Variants in THSD7A observed in about 807,000 individuals in gnomAD.
THSD7A encodes thrombospondin type-1 domain-containing protein 7A.
A neutral mutation model predicts 231.3 loss-of-function variants in THSD7A; 96 were observed. The ratio of observed to expected loss-of-function variants is 0.41; its 90% CI spans 0.35 to 0.49. The LOEUF is 0.49. THSD7A is among the 20% of genes least tolerant of loss of function. The pLI is 0.05. For missense variants in THSD7A, 2,290 were observed against 2,070.2 expected (o/e 1.11, Z -2.06); for synonymous variants, 940 against 743.3 (o/e 1.26, Z -4.30).
rs1390265150 is a variant in THSD7A, at chr7:11,831,671, G to GC, written c.190+85dup. On this transcript the variant is annotated intron_variant, in intron 1 of 27. Transcript: ENST00000423059. The surrounding 1 kb of genome is among the most constrained non-coding windows in gnomAD (Gnocchi z 5.0). ...ACCAGCATAACCAAGCCATCCAAAA[G>GC]CACCGGGGTCCCTACAGAAGCCCAC... is the stretch of plus-strand genomic sequence containing the variant. The GC allele has an allele frequency of 9.6e-7, 1 of 1,037,738 alleles. No individual in the cohort carries two copies. The highest frequency in any genetic ancestry group is 1.3e-6 in the Non-Finnish European group (1 of 798,214). 64.3% of individuals were successfully genotyped at this position (1,037,738 alleles called of 1,614,324 possible).
chr7:11,745,219 C>G (rs963471347), intron 1 of THSD7A, among the ~76,000 whole-genome samples: 1 of 151,956 alleles, frequency 6.6e-6, no homozygotes, highest in Admixed American at 6.6e-5. Flanking sequence ...TTTCATGTGT[C>G]TTTTGGCTGC....
intron 1 of THSD7A, among the ~76,000 whole-genome samples, chr7:11,648,346 T>C (rs1395345139): frequency 6.6e-6 from 1 of 151,954 alleles, no homozygotes; most frequent in East Asian, 1.9e-4. Flanking sequence ...TATTAAGAAA[T>C]CCCTTATGAG....
intron 1 of THSD7A, among the ~76,000 whole-genome samples, chr7:11,766,450 C>G (rs773095383): frequency 2.7e-5 from 4 of 148,218 alleles, no homozygotes; most frequent in Non-Finnish European, 5.9e-5. Flanking sequence ...ACGACAAACT[C>G]ACAGGGTATT....
At chr7:11,434,929 G>A (rs1441647891) in intron 13 of THSD7A, among the ~76,000 whole-genome samples, 1 of 151,890 alleles carries the variant, frequency 6.6e-6, no homozygotes, top group Non-Finnish European at 1.5e-5. Flanking sequence ...TGGATGAAAA[G>A]TTATAAATCA....
intron 13 of THSD7A, among the ~76,000 whole-genome samples, chr7:11,429,773 T>C (rs1175112885): frequency 6.6e-6 from 1 of 152,160 alleles, no homozygotes; most frequent in African/African-American, 2.4e-5. Flanking sequence ...AACAGGCAGG[T>C]AAGAAAACAA....
intron 2 of THSD7A, among the ~76,000 whole-genome samples, chr7:11,624,596 A>T (rs1433064351): frequency 6.6e-6 from 1 of 152,080 alleles, no homozygotes; most frequent in African/African-American, 2.4e-5. Context: ...CTACTGCCTT[A>T]TCAAATTACC....
At chr7:11,722,733 T>C (rs1388387555) in intron 1 of THSD7A, among the ~76,000 whole-genome samples, 1 of 151,900 alleles carries the variant, frequency 6.6e-6, no homozygotes, top group East Asian at 2.0e-4. Context: ...AAAATGCTCA[T>C]CATCACTGGC....
At chr7:11,744,822 T>C (rs1009973225) in intron 1 of THSD7A, among the ~76,000 whole-genome samples, 1 of 152,148 alleles carries the variant, frequency 6.6e-6, no homozygotes, top group African/African-American at 2.4e-5. Context: ...GTGCCACATT[T>C]TCTTAATCCA....
chr7:11,729,079 T>C (rs1781638751), intron 1 of THSD7A, among the ~76,000 whole-genome samples: 1 of 151,890 alleles, frequency 6.6e-6, no homozygotes, highest in East Asian at 1.9e-4. Flanking sequence ...GACAACACTA[T>C]CATAAAAACT....
chr7:11,672,237 AT>A (rs1328886234), intron 1 of THSD7A, among the ~76,000 whole-genome samples: 1 of 151,748 alleles, frequency 6.6e-6, no homozygotes, highest in African/African-American at 2.4e-5. Context: ...TCCTTATAAG[AT>A]TTTTTGTTGT....
chr7:11,432,799 C>T (rs185111184), intron 13 of THSD7A, among the ~76,000 whole-genome samples: 96 of 151,928 alleles, frequency 6.3e-4, no homozygotes, highest in African/African-American at 2.1e-3. Flanking sequence ...TTTTGATGGA[C>T]ATATGTATGT....
chr7:11,712,076 G>T (rs1562495338), intron 1 of THSD7A, among the ~76,000 whole-genome samples: 1 of 151,002 alleles, frequency 6.6e-6, no homozygotes, highest in African/African-American at 2.4e-5. Context: ...TCAGGAAAGA[G>T]ACTATGCAAA....
At chr7:11,499,978 A>G (rs1321615580) in intron 6 of THSD7A, among the ~76,000 whole-genome samples, 1 of 152,194 alleles carries the variant, frequency 6.6e-6, no homozygotes, top group Non-Finnish European at 1.5e-5. Context: ...AACTCCTGCA[A>G]GATTCTTCAC....
At chr7:11,675,280 C>T (rs923791359) in intron 1 of THSD7A, among the ~76,000 whole-genome samples, 6 of 152,126 alleles carry the variant, frequency 3.9e-5, no homozygotes, top group South Asian at 2.1e-4. Flanking sequence ...CACAGACCAG[C>T]GGTTTCCCTT....
chr7:11,786,309 C>T (rs1327699928), intron 1 of THSD7A, among the ~76,000 whole-genome samples: 2 of 152,046 alleles, frequency 1.3e-5, no homozygotes, highest in African/African-American at 4.8e-5. Flanking sequence ...AAATAGCCAT[C>T]CTACATGGTT....
intron 2 of THSD7A, among the ~76,000 whole-genome samples, chr7:11,631,948 G>T (rs906459712): frequency 6.6e-6 from 1 of 152,114 alleles, no homozygotes; most frequent in African/African-American, 2.4e-5. Context: ...CCTTAAAAAG[G>T]CCTGCTTGGA....
At chr7:11,389,803 G>T (rs142099200) in intron 23 of THSD7A, among the ~76,000 whole-genome samples, 25 of 152,204 alleles carry the variant, frequency 1.6e-4, no homozygotes, top group African/African-American at 6.0e-4. Context: ...GGTAAGGCAG[G>T]CCTGGTGGTG....
intron 23 of THSD7A, among the ~76,000 whole-genome samples, chr7:11,388,198 G>C (rs1782838096): frequency 6.6e-6 from 1 of 151,826 alleles, no homozygotes; most frequent in Non-Finnish European, 1.5e-5. Flanking sequence ...TCAGGATGAT[G>C]ATGGCCTCAT....
At chr7:11,426,758 A>G (rs180756536) in intron 14 of THSD7A, 87 bp from the exon 15 acceptor site, 81 of 1,361,204 alleles carry the variant, frequency 6.0e-5, no homozygotes. Context: ...AACACATGGT[A>G]AGTTTCAAGT....
Sources: allele counts gnomAD v4.1 joint callset (sites outside exome capture counted in the v4.1 genomes callset), GRCh38; gene constraint gnomAD v4.1.1; non-coding constraint Gnocchi (gnomAD v3.1); transcripts MANE v1.5; gene names NCBI Gene and HGNC (gene_info 2026-07-23, HGNC 2026-07-21).